AFP: variants seen among roughly 807,000 people sequenced by gnomAD.
AFP encodes the protein alpha fetoprotein.
AFP carries 64 observed loss-of-function variants against 78.9 expected under a neutral mutation model. The observed-to-expected ratio is 0.81, with a 90% confidence interval of 0.66 to 1.00. The LOEUF is 1.00. Ranked by LOEUF, AFP falls within the 50% of genes least tolerant of loss-of-function variation. The pLI is 0.00. For synonymous variants in AFP, 254 were observed against 243.8 expected (o/e 1.04, Z -0.39); for missense variants, 689 against 703.8 (o/e 0.98, Z 0.24).
At chr4:73,449,913 C>A (rs1158480858) in intron 9 of AFP, 123 bp from the exon 10 acceptor site, 3 of 671,876 alleles carry the variant, frequency 4.5e-6, no homozygotes, top group Non-Finnish European at 7.6e-6. Flanking sequence ...TACACTTTAC[C>A]ATATTTAATA....
chr4:73,440,763 T>G lies in AFP; in HGVS notation c.432T>G (p.Pro144=). Residue 144 remains proline (P), a synonymous_variant, in exon 4 of 15, where the codon CCT becomes CCG. Coordinates refer to ENST00000395792, the MANE Select transcript of AFP (RefSeq NM_001134.3). The part of the protein sequence containing the change: ...ASIPLFQVPE[P]VTSCEAYEED... ...TCCCACTTTTCCAAGTTCCAGAACCTGTCACAAGCTGTGAAGCATATGAAG... is the reference window on the plus strand; with the variant it reads ...TCCCACTTTTCCAAGTTCCAGAACCGGTCACAAGCTGTGAAGCATATGAAG... 3.1e-6 allele frequency: 5 copies of G among 1,614,170 alleles called. No individual in the cohort carries two copies. Among genetic ancestry groups the G allele is most frequent in the Non-Finnish European group, 4.2e-6 (5 of 1,180,020 alleles).
At chr4:73,452,817 G>A (rs755344479) in intron 12 of AFP, among the ~76,000 whole-genome samples, 193 bp downstream of exon 12, 22 of 152,110 alleles carry the variant, frequency 1.4e-4, no homozygotes, top group Admixed American at 1.1e-3. Context: ...TAGAAAAATT[G>A]ACGAGGGTGG....
At chr4:73,440,540 GT>G in intron 3 of AFP, 61 bp from the exon 4 acceptor site, 1 of 1,321,612 alleles carries the variant, frequency 7.6e-7, no homozygotes, top group South Asian at 1.2e-5. Flanking sequence ...TGTTTCATGT[GT>G]CTTATAGATT....
At chr4:73,451,253 A>T (rs546447188) in intron 11 of AFP, among the ~76,000 whole-genome samples, 21 of 152,226 alleles carry the variant, frequency 1.4e-4, no homozygotes, top group Non-Finnish European at 3.1e-4. Flanking sequence ...TATAGGGTAC[A>T]GCACAGGATA....
chr4:73,439,177 A>G lies in AFP; in HGVS notation c.270+871A>G, dbSNP rs561039904. 2.6e-5 allele frequency among the ~76,000 whole-genome samples: 4 copies of G among 152,270 alleles called. No individual in the cohort carries two copies. In the South Asian group the frequency reaches 8.3e-4, roughly 32 times the overall value. On this transcript the variant is annotated intron_variant, in intron 3 of 14. Coordinates refer to ENST00000395792, the MANE Select transcript of AFP (RefSeq NM_001134.3). ...ATTTCATTGTAGAAGCTCAACAAAT[A>G]ATATTTATTATTTATTTTATCTCAA...
rs1225161556 is a variant in AFP at position 73,453,468 on chromosome 4, C to A, written c.1653-297C>A. 4.6e-5 allele frequency: 16 copies of A among 350,838 alleles called. 2 individuals carry two copies. Among genetic ancestry groups the A allele is most frequent in the South Asian group, 2.5e-4 (9 of 36,580 alleles). 21.7% of individuals were successfully genotyped at this position (350,838 alleles called of 1,614,324 possible). On this transcript the variant is annotated intron_variant, in intron 12 of 14. Transcript: ENST00000395792. ...ATAAGACACAGTTAAGAAGAGCGGA[C>A]AGGAAAGGATATTCCTGGGGGATGA...
At chr4:73,445,421 C>T (rs1719792446) in intron 7 of AFP, among the ~76,000 whole-genome samples, 1 of 152,136 alleles carries the variant, frequency 6.6e-6, no homozygotes, top group African/African-American at 2.4e-5. Flanking sequence ...CGGGAGGAAA[C>T]TAAGGTTTAA....
Position 73,455,099 on chromosome 4 carries a change from A to C in AFP, c.1786-137A>C. ...GCTTTTACTATCCCAGGTTGTTGGC[A>C]TCAGAGATGTGTTTCTTCATTTTTA... is the stretch of plus-strand genomic sequence containing the variant. On this transcript the variant is annotated intron_variant, in intron 13 of 14. Transcript: ENST00000395792. 5.7e-6 allele frequency: 4 copies of C among 703,984 alleles called. No homozygotes were observed. In the East Asian group the frequency reaches 7.8e-5, roughly 14 times the overall value. The allele number at this position is 703,984 out of a possible 1,614,324, so 43.6% of individuals were successfully genotyped here. A position where few individuals can be genotyped will look rare whatever the true frequency, so the allele number is the denominator to read the frequency against.
intron 13 of AFP, 81 bp from the exon 14 acceptor site, chr4:73,455,155 C>A: frequency 2.7e-6 from 3 of 1,117,974 alleles, no homozygotes; most frequent in Non-Finnish European, 4.1e-6. Flanking sequence ...TATGAATTCA[C>A]CCCGGATTGT....
rs554506762 is a variant in AFP, at chr4:73,440,800, A to G, written c.469A>G (p.Thr157Ala). ...TGAAGCATATGAAGAAGACAGGGAGACATTCATGAACAAGTAAGGATCCAG... is the reference window on the plus strand; with the variant it reads ...TGAAGCATATGAAGAAGACAGGGAGGCATTCATGAACAAGTAAGGATCCAG... ...SCEAYEEDRE[T>A]FMNKFIYEIA... The change falls in exon 4 of 15, where the codon ACA becomes GCA. Residue 157 changes from threonine to alanine, a missense_variant. Coordinates refer to ENST00000395792, the MANE Select transcript of AFP (RefSeq NM_001134.3). 1.7e-5 allele frequency: 27 copies of G among 1,613,652 alleles called. No individual in the cohort carries two copies. Among genetic ancestry groups the G allele is most frequent in the Non-Finnish European group, 2.3e-5 (27 of 1,179,712 alleles).
chr4:73,438,453 TAA>T, intron 3 of AFP, 147 bp downstream of exon 3: 2 of 918,668 alleles, frequency 2.2e-6, no homozygotes, highest in Admixed American at 4.7e-5. Flanking sequence ...TCTGAATTGC[TAA>T]AGAGGGCAGA....
rs768474518 is a variant in AFP at position 73,444,989 on chromosome 4, C to G, written c.714-4C>G. On this transcript the variant is annotated splice_region_variant and splice_polypyrimidine_tract_variant and intron_variant, in intron 6 of 14. Transcript: ENST00000395792. ...TTAATTTCTAATTTCTTTTTTTTCC[C>G]TAGAACTGTTACTAAACTGAGTCAG... 1 of 1,604,802 alleles carries G rather than the reference C, an allele frequency of 6.2e-7. No individual in the cohort carries two copies. Among genetic ancestry groups the G allele is most frequent in the African/African-American group, 1.3e-5 (1 of 74,510 alleles).
In AFP at chr4:73,436,242, A is replaced by G. The variant is rs1178887632; in HGVS notation, c.-21A>G. 4.6e-6 allele frequency: 7 copies of G among 1,520,888 alleles called. No homozygotes were observed. The highest frequency in any genetic ancestry group is 1.7e-5 in the Admixed American group (1 of 59,244). The allele number at this position is 1,520,888 out of a possible 1,614,324, so 94.2% of individuals were successfully genotyped here. On this transcript the variant is annotated 5_prime_UTR_variant, in exon 1 of 15. Transcript: ENST00000395792. ...CCATATTGTGCTTCCACCACTGCCA[A>G]TAACAAAATAACTAGCAACCATGAA...
At chr4:73,444,301 TA>T (rs1719758844) in intron 6 of AFP, among the ~76,000 whole-genome samples, 1 of 152,192 alleles carries the variant, frequency 6.6e-6, no homozygotes, top group African/African-American at 2.4e-5. Context: ...GATAGTATTA[TA>T]ATACCCTTAT....
chr4:73,437,814 T>C (rs1719549905), intron 2 of AFP, among the ~76,000 whole-genome samples: 1 of 152,120 alleles, frequency 6.6e-6, no homozygotes, highest in South Asian at 2.1e-4. Context: ...GAGGTCTGTC[T>C]AATTACCAAT....
rs969286061 is a variant in AFP, at chr4:73,442,313, C to T, written c.500C>T (p.Ala167Val). The T allele has an allele frequency of 3.7e-6, 6 of 1,613,644 alleles. No individual in the cohort carries two copies. Among genetic ancestry groups the T allele is most frequent in the Non-Finnish European group, 5.1e-6 (6 of 1,179,788 alleles). ...TTTCACAGATTCATTTATGAGATAG[C>T]AAGAAGGCATCCCTTCCTGTATGCA... is the stretch of plus-strand genomic sequence containing the variant. ...TFMNKFIYEI[A>V]RRHPFLYAPT... is the part of the protein sequence containing the mutation. The change falls in exon 5 of 15, where the codon GCA becomes GTA. Residue 167 changes from alanine (A) to valine (V), a missense_variant. Transcript: ENST00000395792.
intron 10 of AFP, 56 bp from the exon 11 acceptor site, chr4:73,450,559 C>T (rs1025306482): frequency 5.5e-5 from 88 of 1,611,260 alleles, no homozygotes; most frequent in African/African-American, 4.7e-4. Flanking sequence ...AGAAGCAAGG[C>T]GGCTAAAAAC....
intron 7 of AFP, 93 bp from the exon 8 acceptor site, chr4:73,447,369 C>T (rs1416705273): frequency 1.5e-5 from 13 of 885,168 alleles, no homozygotes; most frequent in Non-Finnish European, 2.2e-5. Flanking sequence ...CCTTCTCCCT[C>T]CCTCCCCTTT....
At chr4:73,440,261 G>A (rs774764465) in intron 3 of AFP, among the ~76,000 whole-genome samples, 5 of 151,874 alleles carry the variant, frequency 3.3e-5, no homozygotes, top group Non-Finnish European at 7.4e-5. Flanking sequence ...CCCTCCCTGT[G>A]TCCATGAAAC....
Sources: allele counts gnomAD v4.1 joint callset (sites outside exome capture counted in the v4.1 genomes callset), GRCh38; gene constraint gnomAD v4.1.1; transcripts MANE v1.5; gene names NCBI Gene and HGNC (gene_info 2026-07-23, HGNC 2026-07-21).